Variants in CUTC observed in about 807,000 individuals in gnomAD.
CUTC encodes copper homeostasis protein cutC homolog.
A neutral mutation model predicts 36.2 loss-of-function variants in CUTC; 27 were observed. The observed-to-expected ratio is 0.75, with a 90% CI of 0.55 to 1.03. The LOEUF (loss-of-function observed/expected upper bound fraction) is 1.03. Ranked by LOEUF, CUTC falls within the 50% of genes least tolerant of loss-of-function variation. CUTC has a pLI of 0.00. For missense variants in CUTC, 315 were observed against 343.5 expected (o/e 0.92, Z 0.66); for synonymous variants, 114 against 118.3 (o/e 0.96, Z 0.24).
intron 5 of CUTC, among the ~76,000 whole-genome samples, chr10:99,746,343 C>T (rs2037377570): frequency 1.3e-5 from 2 of 152,006 alleles, no homozygotes; most frequent in South Asian, 4.1e-4. Flanking sequence ...GGGAACAACA[C>T]ACACTGGGGC....
At chr10:99,733,281 C>T (rs1465052590) in intron 1 of CUTC, among the ~76,000 whole-genome samples, 2 of 151,792 alleles carry the variant, frequency 1.3e-5, no homozygotes, top group Non-Finnish European at 2.9e-5. Flanking sequence ...TGCACTCCAC[C>T]CTGGGCGACA....
At chr10:99,733,441 A>G (rs1344452754) in intron 1 of CUTC, among the ~76,000 whole-genome samples, 2 of 151,930 alleles carry the variant, frequency 1.3e-5, no homozygotes, top group Non-Finnish European at 2.9e-5. Context: ...CAAAAAAAGC[A>G]AAAGAGTGGA....
chr10:99,735,628 C>T (rs1272321023), intron 1 of CUTC, among the ~76,000 whole-genome samples: 1 of 152,108 alleles, frequency 6.6e-6, no homozygotes, highest in Non-Finnish European at 1.5e-5. Context: ...GGCTGATCTC[C>T]AATTCCTGAC....
At position 99,755,902 on chromosome 10, in the gene CUTC, T is replaced by C; in HGVS notation, c.*163T>C. On this transcript the variant is annotated 3_prime_UTR_variant, in exon 9 of 9. Transcript: ENST00000370476. ...GAATGTGCCCAAGAAGAAAAAGAAT[T>C]TGAAACAGAGATACAGTCACTTCCT... 1 of 555,568 alleles carries C rather than the reference T, an allele frequency of 1.8e-6. No individual in the cohort carries two copies. Among genetic ancestry groups the C allele is most frequent in the South Asian group, 2.6e-5 (1 of 38,910 alleles). 34.4% of individuals were successfully genotyped at this position (555,568 alleles called of 1,614,324 possible).
intron 7 of CUTC, among the ~76,000 whole-genome samples, chr10:99,752,388 A>G (rs1044242460): frequency 2.0e-5 from 3 of 152,078 alleles, no homozygotes; most frequent in Admixed American, 6.6e-5. Context: ...TCAAAAGAAA[A>G]AAAAAAAAAG....
intron 4 of CUTC, 51 bp from the exon 5 acceptor site, chr10:99,743,986 A>C (rs2037359799): frequency 6.8e-7 from 1 of 1,477,056 alleles, no homozygotes; most frequent in Non-Finnish European, 9.4e-7. Context: ...TATATATAGT[A>C]ATCAGTGATG....
intron 8 of CUTC, among the ~76,000 whole-genome samples, chr10:99,755,324 C>T (rs1057105197): frequency 7.5e-6 from 1 of 133,886 alleles, no homozygotes; most frequent in Admixed American, 8.2e-5. Context: ...CCCATCTCTA[C>T]TAAAAGTACA....
intron 7 of CUTC, among the ~76,000 whole-genome samples, chr10:99,752,252 T>C (rs986257590): frequency 4.6e-5 from 7 of 152,064 alleles, no homozygotes; most frequent in African/African-American, 1.7e-4. Context: ...CATGGTGGCG[T>C]GCTCCTGACG....
intron 3 of CUTC, among the ~76,000 whole-genome samples, chr10:99,742,199 T>A (rs752107719): frequency 3.3e-5 from 5 of 152,200 alleles, no homozygotes; most frequent in Non-Finnish European, 7.3e-5. Context: ...ATATATTTTG[T>A]CTGTTTTTTT....
At chr10:99,738,474 CTCT>C (rs1418373720) in intron 2 of CUTC, among the ~76,000 whole-genome samples, 4 of 151,046 alleles carry the variant, frequency 2.6e-5, no homozygotes, top group Non-Finnish European at 5.9e-5. Flanking sequence ...TTTTATATGC[CTCT>C]TAAGTCTCTT....
At chr10:99,732,474 C>T in intron 1 of CUTC, 65 bp downstream of exon 1, 1 of 1,546,064 alleles carries the variant, frequency 6.5e-7, no homozygotes, top group South Asian at 1.2e-5. Flanking sequence ...CGGCGGGAGT[C>T]GTAGTCAGTG....
chr10:99,755,420 C>A (rs899199516), intron 8 of CUTC, among the ~76,000 whole-genome samples: 3 of 145,912 alleles, frequency 2.1e-5, no homozygotes, highest in South Asian at 2.2e-4. Context: ...TTAGAACTTA[C>A]AATTCCAGAT....
chr10:99,751,122 T>G (rs910274357), intron 7 of CUTC, among the ~76,000 whole-genome samples: 2 of 152,208 alleles, frequency 1.3e-5, no homozygotes, highest in Non-Finnish European at 2.9e-5. Context: ...GTCTCATCTT[T>G]TTTCTATCCT....
At chr10:99,736,151 T>C in intron 1 of CUTC, 95 bp from the exon 2 acceptor site, 2 of 930,254 alleles carry the variant, frequency 2.1e-6, no homozygotes, top group Non-Finnish European at 3.5e-6. Flanking sequence ...TTATTGGACA[T>C]TTGCATTTTG....
rs545482134 is a variant in CUTC at position 99,742,163 on chromosome 10, T to C, written c.194-990T>C. On this transcript the variant is annotated intron_variant, in intron 3 of 8. Transcript: ENST00000370476. Reference sequence around the variant, plus strand: ...GATCATTGCCCTTCACTGCTTAATGTCCAGTGTCTTGCAAACCACTGTTTC... The same window carrying C: ...GATCATTGCCCTTCACTGCTTAATGCCCAGTGTCTTGCAAACCACTGTTTC... Among the ~76,000 whole-genome samples the C allele has an allele frequency of 5.3e-5, 8 of 152,326 alleles. No homozygotes were observed. The South Asian group carries it at 1.4e-3, about 28-fold the overall frequency.
chr10:99,732,654 C>T (rs993320048), intron 1 of CUTC: 10 of 1,393,096 alleles, frequency 7.2e-6, no homozygotes, highest in Middle Eastern at 2.7e-4. Context: ...CATAACGGCC[C>T]TGCGACCTTG....
rs1456061794 is a variant in CUTC, at chr10:99,732,327, A to G, written c.-22A>G. The G allele has an allele frequency of 6.4e-7, 1 of 1,551,406 alleles. No individual in the cohort carries two copies. The highest frequency in any genetic ancestry group is 8.7e-7 in the Non-Finnish European group (1 of 1,147,164). ...AATTCCAAGTGGAAACTGCAGGCGC[A>G]CGAGGGAGGAACGCGTGGAGCATGA... On this transcript the variant is annotated 5_prime_UTR_variant, in exon 1 of 9. Transcript: ENST00000370476.
intron 1 of CUTC, among the ~76,000 whole-genome samples, chr10:99,735,122 A>C (rs911667280): frequency 4.0e-5 from 6 of 151,410 alleles, no homozygotes; most frequent in African/African-American, 9.7e-5. Flanking sequence ...AAAAAAAAAA[A>C]AAAACAAACT....
chr10:99,749,060 A>T (rs959835979), intron 6 of CUTC, among the ~76,000 whole-genome samples: 1 of 152,182 alleles, frequency 6.6e-6, no homozygotes, highest in Non-Finnish European at 1.5e-5. Context: ...TATAACCGCC[A>T]TAGTAATGTA....
Sources: allele counts gnomAD v4.1 joint callset (sites outside exome capture counted in the v4.1 genomes callset), GRCh38; gene constraint gnomAD v4.1.1; transcripts MANE v1.5; gene names NCBI Gene and HGNC (gene_info 2026-07-23, HGNC 2026-07-21).